LNPEP: variants seen among roughly 807,000 people sequenced by gnomAD.
LNPEP encodes the protein leucyl and cystinyl aminopeptidase.
A neutral mutation model predicts 120.6 loss-of-function variants in LNPEP; 64 were observed. The observed-to-expected ratio is 0.53, with a 90% CI of 0.43 to 0.65. LNPEP has a LOEUF of 0.65. LNPEP is among the 30% of genes least tolerant of loss of function. The pLI is 0.00. For synonymous variants in LNPEP, 435 were observed against 425.4 expected, an observed-to-expected ratio of 1.02 and a Z score of -0.28; for missense variants, 1,057 against 1,200.0, an observed-to-expected ratio of 0.88 and a Z score of 1.76.
chr5:96,996,372 T>A lies in LNPEP; in HGVS notation c.1408-18T>A. The A allele has an allele frequency of 7.4e-7, 1 of 1,355,030 alleles. No individual in the cohort carries two copies. The highest frequency in any genetic ancestry group is 1.0e-6 in the Non-Finnish European group (1 of 970,382). The allele number at this position is 1,355,030 out of a possible 1,614,324, so 83.9% of individuals were successfully genotyped here. A position where few individuals can be genotyped will look rare whatever the true frequency, so the allele number is the denominator to read the frequency against. Reference sequence around the variant, plus strand: ...GGCTGTAAATATCCTGTGGGTTAATTGTTTTCTCTCCCCCCAGTGGTTTGG... The same window carrying A: ...GGCTGTAAATATCCTGTGGGTTAATAGTTTTCTCTCCCCCCAGTGGTTTGG... On this transcript the variant is annotated intron_variant, in intron 6 of 17. Transcript: ENST00000231368.
intron 1 of LNPEP, among the ~76,000 whole-genome samples, chr5:96,942,074 G>T (rs1432064536): frequency 6.6e-6 from 1 of 152,092 alleles, no homozygotes; most frequent in Non-Finnish European, 1.5e-5. Context: ...GTTAAGATTG[G>T]CATTTGGGAG....
At position 97,013,699 on chromosome 5, in the gene LNPEP, T is replaced by C; in HGVS notation, c.2087T>C (p.Met696Thr). Residue 696 changes from methionine to threonine, a missense_variant, in exon 12 of 18, where the codon ATG becomes ACG. Met to Thr is a moderately conservative substitution (Grantham distance 81). Coordinates refer to ENST00000231368, the MANE Select transcript of LNPEP (RefSeq NM_005575.3). ...CTGTGGGTCAAAGTGAATATAAACA[T>C]GAATGGTTATTATATTGTACACTAT... ...EVLWVKVNIN[M>T]NGYYIVHYAD... 6.3e-7 allele frequency: 1 copy of C among 1,599,700 alleles called. No homozygotes were observed.
intron 2 of LNPEP, 93 bp from the exon 3 acceptor site, chr5:96,984,987 A>T: frequency 7.5e-7 from 1 of 1,338,892 alleles, no homozygotes; most frequent in Non-Finnish European, 1.0e-6. Flanking sequence ...TTTAGTAACT[A>T]GGATTGTAAC....
intron 1 of LNPEP, among the ~76,000 whole-genome samples, chr5:96,978,022 A>G (rs1448223988): frequency 6.6e-6 from 1 of 152,158 alleles, no homozygotes; most frequent in African/African-American, 2.4e-5. Context: ...TCTCATGTCT[A>G]AAATAGAATA....
Position 97,006,478 on chromosome 5 carries a change from A to C in LNPEP, c.1998A>C (p.Ser666=). ...LSYVTEGRNY[S]KYQSVSLLDK... is the part of the protein sequence containing the mutation. ...ATGTCACTGAAGGAAGAAATTATTC[A>C]AAATATCAATCGGTATCATTACTGG... is the stretch of plus-strand genomic sequence containing the variant. Residue 666 remains serine, a synonymous_variant, in exon 11 of 18, where the codon TCA becomes TCC. Transcript: ENST00000231368. The C allele has an allele frequency of 1.3e-6, 2 of 1,579,738 alleles. No homozygotes were observed.
intron 1 of LNPEP, among the ~76,000 whole-genome samples, chr5:96,968,164 C>T (rs1789772325): frequency 6.6e-6 from 1 of 152,014 alleles, no homozygotes; most frequent in Non-Finnish European, 1.5e-5. Context: ...GGTTGAGGGG[C>T]TGCCAGTGGT....
At chr5:96,953,505 C>T (rs2112569835) in intron 1 of LNPEP, among the ~76,000 whole-genome samples, 1 of 152,262 alleles carries the variant, frequency 6.6e-6, no homozygotes, top group Non-Finnish European at 1.5e-5. Flanking sequence ...CTCAGAAACC[C>T]AGACATCCCT....
chr5:97,011,251 G>T (rs1037116622), intron 11 of LNPEP: 1 of 926,462 alleles, frequency 1.1e-6, no homozygotes, highest in African/African-American at 1.8e-5. Context: ...TTAGAGACAG[G>T]GTCCTGCTCT....
chr5:97,014,847 T>G, intron 12 of LNPEP, 92 bp from the exon 13 acceptor site: 1 of 909,606 alleles, frequency 1.1e-6, no homozygotes, highest in Non-Finnish European at 1.5e-6. Context: ...TCTCCAAGAC[T>G]CACCATCTAA....
At position 96,936,083 on chromosome 5, in the gene LNPEP, C is replaced by T; in HGVS notation, c.-73C>T. On this transcript the variant is annotated 5_prime_UTR_variant, in exon 1 of 18. Coordinates refer to ENST00000231368, the MANE Select transcript of LNPEP (RefSeq NM_005575.3). Reference sequence around the variant, plus strand: ...GGAGGCCGCGCTGGGCATGCTCAGTCAGCTGGGCCGCCTCAGCTCTCGGAG... The same window carrying T: ...GGAGGCCGCGCTGGGCATGCTCAGTTAGCTGGGCCGCCTCAGCTCTCGGAG... 3 of 1,495,722 alleles carry T rather than the reference C, an allele frequency of 2.0e-6. No individual in the cohort carries two copies. The highest frequency in any genetic ancestry group is 2.7e-6 in the Non-Finnish European group (3 of 1,115,824). 92.7% of individuals were successfully genotyped at this position (1,495,722 alleles called of 1,614,324 possible). A position where few individuals can be genotyped will look rare whatever the true frequency, so the allele number is the denominator to read the frequency against.
chr5:96,991,434 G>A (rs38038), intron 4 of LNPEP, among the ~76,000 whole-genome samples: 90,050 of 151,994 alleles, frequency 0.59, 26,752 homozygotes, highest in Middle Eastern at 0.7. Flanking sequence ...CAGTGTAAAG[G>A]TGTTCCTTTT....
chr5:97,036,438 C>T lies in LNPEP; in HGVS notation c.*7905C>T, dbSNP rs758264505. ...TTTAAGCCATTGCTGCCTCATTAGC[C>T]TTGTATTTTGTGTGCATATCATGTA... On this transcript the variant is annotated 3_prime_UTR_variant, in exon 18 of 18. Transcript: ENST00000231368. The T allele has an allele frequency of 1.3e-5, 2 of 152,108 alleles. No homozygotes were observed. Among genetic ancestry groups the T allele is most frequent in the Non-Finnish European group, 2.9e-5 (2 of 68,026 alleles). The allele number at this position is 152,108 out of a possible 1,614,324, so 9.4% of individuals were successfully genotyped here.
At chr5:96,943,148 G>T in intron 1 of LNPEP, 1 of 513,416 alleles carries the variant, frequency 1.9e-6, no homozygotes, top group South Asian at 5.1e-5. Flanking sequence ...CATCATTATT[G>T]AGCCAGGAGT....
At position 96,986,661 on chromosome 5, in the gene LNPEP, T is replaced by G. The variant is rs778203155; in HGVS notation, c.1122T>G (p.Asn374Lys). The G allele has an allele frequency of 1.2e-6, 2 of 1,613,460 alleles. No homozygotes were observed. Among genetic ancestry groups the G allele is most frequent in the South Asian group, 1.1e-5 (1 of 91,040 alleles). Residue 374 changes from asparagine (N) to lysine (K), a missense_variant, in exon 4 of 18, where the codon AAT becomes AAG. Transcript: ENST00000231368. ...TGAAGAACCTGAGTCAGGACGTAAA[T>G]GGAACCCTGGTATGTTGATGTGGTA... ...GEMKNLSQDV[N>K]GTLVSIYAVP...
Position 96,979,452 on chromosome 5 carries a change from G to A in LNPEP, c.334G>A (p.Val112Met). The change falls in exon 2 of 18, where the codon GTG becomes ATG. Residue 112 changes from valine to methionine, a missense_variant. Transcript: ENST00000231368. ...TTCAGTACCCTCTGCAAGGACCATGGTGGTCTGTGCTTTTGTCATCGTGGT... is the reference window on the plus strand; with the variant it reads ...TTCAGTACCCTCTGCAAGGACCATGATGGTCTGTGCTTTTGTCATCGTGGT... ...ACSVPSARTM[V>M]VCAFVIVVAV... is the part of the protein sequence containing the mutation. 1.2e-6 allele frequency: 2 copies of A among 1,614,088 alleles called. No homozygotes were observed. Among genetic ancestry groups the A allele is most frequent in the Non-Finnish European group, 1.7e-6 (2 of 1,179,960 alleles).
At chr5:96,947,394 A>G (rs1433225000) in intron 1 of LNPEP, among the ~76,000 whole-genome samples, 2 of 152,212 alleles carry the variant, frequency 1.3e-5, no homozygotes, top group Non-Finnish European at 2.9e-5. Context: ...TTTTCCCTCA[A>G]CAGGGTTATT....
At position 97,033,581 on chromosome 5, in the gene LNPEP, A is replaced by G. The variant is rs189229607; in HGVS notation, c.*5048A>G. 34 of 152,262 alleles carry G rather than the reference A, an allele frequency of 2.2e-4. No individual in the cohort carries two copies. The East Asian group carries it at 5.6e-3, about 25-fold the overall frequency. 9.4% of individuals were successfully genotyped at this position (152,262 alleles called of 1,614,324 possible). On this transcript the variant is annotated 3_prime_UTR_variant, in exon 18 of 18. Coordinates refer to ENST00000231368, the MANE Select transcript of LNPEP (RefSeq NM_005575.3). ...AAACATGTATATAAATGTTTTTGCT[A>G]CTTTTCTGTCACTACCTTTCTTACC...
chr5:96,986,419 G>T, intron 3 of LNPEP, 120 bp from the exon 4 acceptor site: 3 of 959,132 alleles, frequency 3.1e-6, no homozygotes, highest in Admixed American at 2.1e-5. Flanking sequence ...ATACTGAGAG[G>T]TTATAATATG....
intron 11 of LNPEP, among the ~76,000 whole-genome samples, chr5:97,011,566 A>T (rs1486171056): frequency 6.6e-6 from 1 of 152,148 alleles, no homozygotes; most frequent in Non-Finnish European, 1.5e-5. Flanking sequence ...CATAGGATAT[A>T]GTGTTTGGTG....
Sources: allele counts gnomAD v4.1 joint callset (sites outside exome capture counted in the v4.1 genomes callset), GRCh38; gene constraint gnomAD v4.1.1; transcripts MANE v1.5; gene names NCBI Gene and HGNC (gene_info 2026-07-23, HGNC 2026-07-21).